CYRIA: variants seen among roughly 807,000 people sequenced by gnomAD.
CYRIA encodes the protein CYFIP-related Rac1 interactor A.
CYRIA carries 15 observed loss-of-function variants against 43.9 expected under a neutral mutation model. The observed-to-expected ratio is 0.34, with a 90% CI of 0.23 to 0.53. The LOEUF (loss-of-function observed/expected upper bound fraction) is 0.53, where lower values mean the gene tolerates loss of function less well. Among genes scored for constraint, CYRIA ranks in the 20% least tolerant of loss-of-function variants. CYRIA has a pLI of 0.94. For synonymous variants in CYRIA, 117 were observed against 136.0 expected, an observed-to-expected ratio of 0.86 and a Z score of 0.97; for missense variants, 236 against 394.2, an observed-to-expected ratio of 0.60 and a Z score of 3.40.
intron 3 of CYRIA, among the ~76,000 whole-genome samples, chr2:16,569,549 G>C (rs1667056572): frequency 6.6e-6 from 1 of 152,188 alleles, no homozygotes; most frequent in South Asian, 2.1e-4. Context: ...GGGCAGCACA[G>C]TTCCTGCCTT....
chr2:16,604,029 G>A (rs1346701744), intron 2 of CYRIA, among the ~76,000 whole-genome samples: 1 of 152,144 alleles, frequency 6.6e-6, no homozygotes, highest in Non-Finnish European at 1.5e-5. Flanking sequence ...CCTTGTGTGG[G>A]GCTGGGAGCA....
chr2:16,633,536 T>C (rs1016626653), intron 1 of CYRIA, among the ~76,000 whole-genome samples: 7 of 143,838 alleles, frequency 4.9e-5, no homozygotes, highest in Admixed American at 1.4e-4. Flanking sequence ...CAGGTCACTA[T>C]CCCTGGCTTT....
chr2:16,647,080 T>G (rs1669842895), intron 1 of CYRIA, among the ~76,000 whole-genome samples: 1 of 152,230 alleles, frequency 6.6e-6, no homozygotes, highest in African/African-American at 2.4e-5. Flanking sequence ...GCCATATCCG[T>G]ATCCGTATCT....
intron 1 of CYRIA, among the ~76,000 whole-genome samples, chr2:16,625,967 G>A (rs998807640): frequency 2.6e-5 from 4 of 151,916 alleles, no homozygotes; most frequent in South Asian, 2.1e-4. Context: ...TCAGTCAGGC[G>A]GAACACCGGG....
chr2:16,654,173 C>T (rs1670043927), intron 1 of CYRIA, among the ~76,000 whole-genome samples: 1 of 152,232 alleles, frequency 6.6e-6, no homozygotes, highest in Non-Finnish European at 1.5e-5. Flanking sequence ...AAACTGCAGC[C>T]TGTGAATCAC....
chr2:16,655,143 G>A (rs1670076004), intron 1 of CYRIA, among the ~76,000 whole-genome samples: 1 of 152,172 alleles, frequency 6.6e-6, no homozygotes. Context: ...AAGCTCACTC[G>A]CTCGCCCCAA....
intron 2 of CYRIA, among the ~76,000 whole-genome samples, chr2:16,616,885 A>G (rs1668814729): frequency 6.6e-6 from 1 of 152,236 alleles, no homozygotes. Context: ...TGTCCTATGA[A>G]GAGGTTTGAA....
At chr2:16,571,240 G>A (rs933625790) in intron 3 of CYRIA, among the ~76,000 whole-genome samples, 1 of 152,192 alleles carries the variant, frequency 6.6e-6, no homozygotes, top group African/African-American at 2.4e-5. Context: ...GTTTGCAGGG[G>A]CTCAATTTGT....
intron 2 of CYRIA, among the ~76,000 whole-genome samples, chr2:16,610,117 C>A (rs546957319): frequency 2.0e-5 from 3 of 152,216 alleles, no homozygotes; most frequent in Admixed American, 6.5e-5. Flanking sequence ...ACAGACTGTG[C>A]ATATATTCTG....
At chr2:16,571,609 T>C (rs1286640431) in intron 3 of CYRIA, among the ~76,000 whole-genome samples, 1 of 152,240 alleles carries the variant, frequency 6.6e-6, no homozygotes, top group African/African-American at 2.4e-5. Flanking sequence ...ACTAAGATAA[T>C]GTGAGTAGAA....
At chr2:16,628,850 C>T (rs1669239710) in intron 1 of CYRIA, among the ~76,000 whole-genome samples, 1 of 152,190 alleles carries the variant, frequency 6.6e-6, no homozygotes, top group Non-Finnish European at 1.5e-5. Context: ...TGCCTGTCTT[C>T]TGAATTCACG....
chr2:16,555,297 G>A (rs1572450714), intron 10 of CYRIA, among the ~76,000 whole-genome samples, 158 bp from the exon 11 acceptor site: 1 of 152,114 alleles, frequency 6.6e-6, no homozygotes, highest in Admixed American at 6.5e-5. Flanking sequence ...TCAGGCTGGT[G>A]AGCTGTTCCT....
chr2:16,580,235 C>T (rs1182934863), intron 3 of CYRIA, among the ~76,000 whole-genome samples: 1 of 152,028 alleles, frequency 6.6e-6, no homozygotes, highest in African/African-American at 2.4e-5. Context: ...AGCCACTGTG[C>T]TCAGCCTAAA....
intron 3 of CYRIA, among the ~76,000 whole-genome samples, chr2:16,584,721 CA>C (rs1353558255): frequency 6.6e-6 from 1 of 152,160 alleles, no homozygotes; most frequent in Non-Finnish European, 1.5e-5. Flanking sequence ...TGCTGTTCTT[CA>C]AACATGCCCT....
chr2:16,619,404 C>T (rs952752661), intron 2 of CYRIA, among the ~76,000 whole-genome samples: 5 of 152,062 alleles, frequency 3.3e-5, no homozygotes, highest in African/African-American at 1.2e-4. Context: ...TATACACACA[C>T]ACATATACAT....
At chr2:16,614,943 G>A (rs1211507928) in intron 2 of CYRIA, among the ~76,000 whole-genome samples, 1 of 152,220 alleles carries the variant, frequency 6.6e-6, no homozygotes, top group East Asian at 1.9e-4. Context: ...TGGAACTCAT[G>A]AAGACCATTC....
intron 3 of CYRIA, among the ~76,000 whole-genome samples, chr2:16,570,308 A>G (rs1249784950): frequency 1.3e-5 from 2 of 152,130 alleles, no homozygotes; most frequent in Non-Finnish European, 2.9e-5. Flanking sequence ...CCTACAGTCA[A>G]ATTGGCCATC....
At chr2:16,584,276 CAT>C (rs1403371695) in intron 3 of CYRIA, among the ~76,000 whole-genome samples, 1 of 152,172 alleles carries the variant, frequency 6.6e-6, no homozygotes, top group Non-Finnish European at 1.5e-5. Context: ...TTCTTGATCA[CAT>C]GTGCTCTTGT....
chr2:16,619,675 A>G (rs1230940281), intron 2 of CYRIA, among the ~76,000 whole-genome samples: 1 of 152,150 alleles, frequency 6.6e-6, no homozygotes, highest in Non-Finnish European at 1.5e-5. Flanking sequence ...ATCAATTCAA[A>G]TTAGTCAATT....
Sources: allele counts gnomAD v4.1 joint callset (sites outside exome capture counted in the v4.1 genomes callset), GRCh38; gene constraint gnomAD v4.1.1; transcripts MANE v1.5; gene names NCBI Gene and HGNC (gene_info 2026-07-23, HGNC 2026-07-21).